The following SGCG variants were observed in gnomAD, a reference collection of about 807,000 sequenced individuals.
SGCG encodes the protein sarcoglycan gamma.
Under a neutral mutation model 29.3 loss-of-function variants are expected in SGCG, and 26 were observed. The observed-to-expected ratio is 0.89, with a 90% CI of 0.65 to 1.23. The LOEUF is 1.23. Ranked by LOEUF, SGCG falls within the 50% of genes most tolerant of loss-of-function variation. The pLI is 0.00. For synonymous variants in SGCG, 145 were observed against 129.7 expected (o/e 1.12, Z -0.80); for missense variants, 353 against 356.0 (o/e 0.99, Z 0.07).
At chr13:23,314,574 G>C (rs1882738242) in intron 6 of SGCG, among the ~76,000 whole-genome samples, 1 of 151,494 alleles carries the variant, frequency 6.6e-6, no homozygotes, top group African/African-American at 2.4e-5. Context: ...TGGAGTTCTT[G>C]ATCACTTTTC....
the SGCG span, among the ~76,000 whole-genome samples, chr13:23,167,613 A>T: frequency 2.6e-5 from 4 of 152,272 alleles, no homozygotes; most frequent in South Asian, 6.2e-4. Flanking sequence ...GTGAGACAGT[A>T]TCTTGTTGTA....
chr13:23,228,803 T>C (rs1046171163), intron 2 of SGCG, among the ~76,000 whole-genome samples: 2 of 152,218 alleles, frequency 1.3e-5, no homozygotes, highest in Non-Finnish European at 2.9e-5. Context: ...CATGATCTCA[T>C]TCCTTCTTAT....
At chr13:23,287,476 T>C (rs890038787) in intron 5 of SGCG, among the ~76,000 whole-genome samples, 4 of 152,184 alleles carry the variant, frequency 2.6e-5, no homozygotes, top group Admixed American at 6.5e-5. Flanking sequence ...ACGAGAGCCC[T>C]GCCTTGCTGA....
At chr13:23,166,437 G>T in the SGCG span, among the ~76,000 whole-genome samples, 1 of 151,878 alleles carries the variant, frequency 6.6e-6, no homozygotes, top group Non-Finnish European at 1.5e-5. Flanking sequence ...CTCGTGATCT[G>T]CCCGCCCCAG....
At chr13:23,276,505 T>C (rs1377327353) in intron 4 of SGCG, among the ~76,000 whole-genome samples, 1 of 146,022 alleles carries the variant, frequency 6.8e-6, no homozygotes, top group African/African-American at 2.5e-5. Flanking sequence ...TGATCTCAGC[T>C]CATTGCAACC....
At chr13:23,203,141 A>G (rs1217183467) in intron 1 of SGCG, among the ~76,000 whole-genome samples, 5 of 152,016 alleles carry the variant, frequency 3.3e-5, no homozygotes, top group African/African-American at 7.3e-5. Flanking sequence ...TTGTATTTTT[A>G]GTAGAGACGG....
At chr13:23,286,533 G>A (rs1593220523) in intron 5 of SGCG, among the ~76,000 whole-genome samples, 6 of 152,218 alleles carry the variant, frequency 3.9e-5, no homozygotes, top group Admixed American at 3.9e-4. Context: ...ATCTTCAGGG[G>A]ATACGTTCAA....
intron 2 of SGCG, among the ~76,000 whole-genome samples, chr13:23,221,539 T>C (rs1878656832): frequency 6.6e-6 from 1 of 152,232 alleles, no homozygotes; most frequent in African/African-American, 2.4e-5. Context: ...CACAGTTTTC[T>C]TAGGTTCTAT....
intron 4 of SGCG, chr13:23,268,302 A>T (rs931857447): frequency 6.6e-6 from 1 of 152,222 alleles, no homozygotes; most frequent in African/African-American, 2.4e-5. Context: ...CTATAAAAAA[A>T]GTAACAACTT....
chr13:23,227,642 A>C (rs1489407460), intron 2 of SGCG, among the ~76,000 whole-genome samples: 1 of 152,186 alleles, frequency 6.6e-6, no homozygotes, highest in Non-Finnish European at 1.5e-5. Context: ...CATCAGATGT[A>C]GTATTTTAGT....
At chr13:23,183,073 T>C (rs1478236687) in intron 1 of SGCG, among the ~76,000 whole-genome samples, 1 of 152,212 alleles carries the variant, frequency 6.6e-6, no homozygotes, top group Non-Finnish European at 1.5e-5. Context: ...TGATTAAAAG[T>C]TTAGGCTATG....
intron 2 of SGCG, among the ~76,000 whole-genome samples, chr13:23,212,169 T>G (rs1034214310): frequency 2.0e-5 from 3 of 152,188 alleles, no homozygotes; most frequent in Non-Finnish European, 2.9e-5. Context: ...CTATGCTTCC[T>G]GTGCAGCCTG....
chr13:23,192,848 C>T (rs1484796270), intron 1 of SGCG, among the ~76,000 whole-genome samples: 3 of 152,212 alleles, frequency 2.0e-5, no homozygotes, highest in African/African-American at 7.2e-5. Context: ...ATTCTGCCTT[C>T]CTTTAACAAA....
In SGCG at chr13:23,203,456, C is replaced by T. The variant is rs1565998099; in HGVS notation, c.1-239C>T. 3.3e-5 allele frequency among the ~76,000 whole-genome samples: 5 copies of T among 152,216 alleles called. No homozygotes were observed. In the South Asian group the frequency reaches 6.2e-4, roughly 19 times the overall value. ...GAAAATATGGTCACTAGATTTCAAA[C>T]GTTTATCATATATAAAATATTTTAA... On this transcript the variant is annotated intron_variant, in intron 1 of 7. Coordinates refer to ENST00000218867, the MANE Select transcript of SGCG (RefSeq NM_000231.3).
At chr13:23,213,154 G>A (rs918203321) in intron 2 of SGCG, among the ~76,000 whole-genome samples, 1 of 152,126 alleles carries the variant, frequency 6.6e-6, no homozygotes. Flanking sequence ...AATAATTAGG[G>A]TTGCAATTTA....
upstream of SGCG, among the ~76,000 whole-genome samples, chr13:23,177,733 G>A (rs1296749383): frequency 4.0e-5 from 3 of 75,396 alleles, no homozygotes; most frequent in East Asian, 5.1e-4. Flanking sequence ...CACCATGTCC[G>A]GCTATTTTTT....
At chr13:23,318,024 A>T (rs1882890538) in intron 6 of SGCG, among the ~76,000 whole-genome samples, 1 of 152,206 alleles carries the variant, frequency 6.6e-6, no homozygotes. Flanking sequence ...CCCAGCCTAC[A>T]TCTTTTTGTC....
intron 5 of SGCG, among the ~76,000 whole-genome samples, chr13:23,287,740 T>TTTTGTTTGTTTGTTTGTTTG (rs60329567): frequency 6.6e-6 from 1 of 150,964 alleles, no homozygotes; most frequent in African/African-American, 2.4e-5. Flanking sequence ...GACCAGGGTT[T>TTTTGTTTGTTTGTTTGTTTG]TTTGTTTGTT....
intron 5 of SGCG, among the ~76,000 whole-genome samples, chr13:23,282,934 A>T (rs546603489): frequency 2.0e-5 from 3 of 152,244 alleles, no homozygotes; most frequent in Admixed American, 1.3e-4. Flanking sequence ...CTTTTGAGTG[A>T]GTTTCTTAAT....
Sources: gnomAD v4.1 joint callset for allele counts (sites outside exome capture counted in the v4.1 genomes callset) on GRCh38, gnomAD v4.1.1 for gene constraint, MANE v1.5 for transcripts, NCBI Gene and HGNC (gene_info 2026-07-23, HGNC 2026-07-21) for gene names.